DPYSL2: variants seen among roughly 807,000 people sequenced by gnomAD.
DPYSL2 encodes the protein dihydropyrimidinase-related protein 2.
In DPYSL2, 13 loss-of-function variants were observed where a neutral mutation model predicts 69.9. That is an observed-to-expected ratio of 0.19 (90% CI 0.12 to 0.30). The LOEUF (loss-of-function observed/expected upper bound fraction) is 0.30, where lower values mean the gene tolerates loss of function less well. Among genes scored for constraint, DPYSL2 ranks in the 10% least tolerant of loss-of-function variants. The probability of loss-of-function intolerance (pLI) is 1.00; values close to 1 mark genes in which losing one functional copy is unlikely to be tolerated. For missense variants in DPYSL2, 587 were observed against 918.9 expected, an observed-to-expected ratio of 0.64 and a Z score of 4.67; for synonymous variants, 326 against 359.1, an observed-to-expected ratio of 0.91 and a Z score of 1.04.
chr8:26,520,992 T>C (rs79924325), intron 1 of DPYSL2, among the ~76,000 whole-genome samples: 2,238 of 152,268 alleles, frequency 0.015, 53 homozygotes, highest in African/African-American at 0.049. Flanking sequence ...GCCCTACCTG[T>C]TAATACCATT....
rs1179492855 is a variant in DPYSL2, at chr8:26,650,882, T to A, written c.1597-1375T>A. Among the ~76,000 whole-genome samples the A allele has an allele frequency of 6.6e-6, 1 of 152,200 alleles. No homozygotes were observed. The highest frequency in any genetic ancestry group is 1.5e-5 in the Non-Finnish European group (1 of 68,034). On this transcript the variant is annotated intron_variant, in intron 11 of 13. Transcript: ENST00000521913. The surrounding 1 kb of genome is among the most constrained non-coding windows in gnomAD (Gnocchi z 5.3). ...GCCGCCTGTGTGGTCCAGAACAATG[T>A]CAAGCTGAGAATTTACTGTAAAATG... is the stretch of plus-strand genomic sequence containing the variant.
intron 3 of DPYSL2, among the ~76,000 whole-genome samples, chr8:26,594,512 A>G (rs539156334): frequency 6.6e-6 from 1 of 152,266 alleles, no homozygotes; most frequent in Non-Finnish European, 1.5e-5. Context: ...ATATTGATAT[A>G]TATCTATCTG....
intron 1 of DPYSL2, among the ~76,000 whole-genome samples, chr8:26,525,039 A>G (rs1808454534): frequency 6.6e-6 from 1 of 151,988 alleles, no homozygotes. Flanking sequence ...ATTTTTTCTT[A>G]GTTTTCCTCT....
intron 1 of DPYSL2, among the ~76,000 whole-genome samples, chr8:26,570,741 GAAAAAAAAAAAAA>G (rs572040580): frequency 9.2e-6 from 1 of 108,302 alleles, no homozygotes; most frequent in Non-Finnish European, 1.8e-5. Context: ...CTTAGAAAAG[GAAAAAAAAAAAAA>G]AAAAAAAAAA....
chr8:26,615,904 C>T (rs1802336398), intron 3 of DPYSL2, among the ~76,000 whole-genome samples: 1 of 152,148 alleles, frequency 6.6e-6, no homozygotes, highest in East Asian at 1.9e-4. Context: ...GCTTTGGAGG[C>T]ACCTAAATAC....
At chr8:26,537,056 TAGAA>T (rs1800603609) in intron 1 of DPYSL2, among the ~76,000 whole-genome samples, 1 of 151,752 alleles carries the variant, frequency 6.6e-6, no homozygotes, top group Admixed American at 6.6e-5. Flanking sequence ...TTTTTTTAAG[TAGAA>T]AGCCTTAAAA....
rs1801919780 is a variant in DPYSL2, at chr8:26,598,625, G to T, written c.628+14642G>T. Among the ~76,000 whole-genome samples, 1 of 152,182 alleles carries T rather than the reference G, an allele frequency of 6.6e-6. No homozygotes were observed. ...TGCTTACGGGAGATTTGAGGCATTTGATCATTTTTTCCCGTTAGCTTACAG... is the reference window on the plus strand; with the variant it reads ...TGCTTACGGGAGATTTGAGGCATTTTATCATTTTTTCCCGTTAGCTTACAG... On this transcript the variant is annotated intron_variant, in intron 3 of 13. Coordinates refer to ENST00000521913, the MANE Select transcript of DPYSL2 (RefSeq NM_001197293.3). The surrounding 1 kb of genome is among the most constrained non-coding windows in gnomAD (Gnocchi z 4.2).
In DPYSL2 at chr8:26,517,568, G is replaced by A. The variant is rs1037897308; in HGVS notation, c.354+2889G>A. Among the ~76,000 whole-genome samples, 1 of 152,168 alleles carries A rather than the reference G, an allele frequency of 6.6e-6. No individual in the cohort carries two copies. Among genetic ancestry groups the A allele is most frequent in the Admixed American group, 6.5e-5 (1 of 15,280 alleles). ...ATCTCTGTTGGCCCAATCCCCCCTT[G>A]TCAGTGCCCAGGGGTCCTTCAGCCT... On this transcript the variant is annotated intron_variant, in intron 1 of 13. Transcript: ENST00000521913. The surrounding 1 kb of genome is among the most constrained non-coding windows in gnomAD (Gnocchi z 4.2).
chr8:26,529,728 A>ATTTTTT (rs71216757), intron 1 of DPYSL2, among the ~76,000 whole-genome samples: 22 of 135,470 alleles, frequency 1.6e-4, no homozygotes, highest in African/African-American at 6.1e-4. Flanking sequence ...TTTAACCGTA[A>ATTTTTT]TTTTTTTTTT....
chr8:26,575,561 ATACCT>A (rs1398816788), intron 1 of DPYSL2, among the ~76,000 whole-genome samples: 2 of 152,228 alleles, frequency 1.3e-5, no homozygotes, highest in African/African-American at 4.8e-5. Context: ...AAATCAGTTT[ATACCT>A]TACATTTTTG....
intron 1 of DPYSL2, among the ~76,000 whole-genome samples, chr8:26,559,897 G>T (rs61199268): frequency 0.029 from 4,434 of 152,294 alleles, 100 homozygotes; most frequent in East Asian, 0.089. Context: ...AGTCAGGGTT[G>T]CAGGGAGGAG....
At chr8:26,570,092 C>T (rs934016352) in intron 1 of DPYSL2, among the ~76,000 whole-genome samples, 2 of 152,128 alleles carry the variant, frequency 1.3e-5, no homozygotes, top group East Asian at 1.9e-4. Context: ...ACTTGATAAA[C>T]GGTTTGCATT....
At chr8:26,553,141 A>G (rs1001234076) in intron 1 of DPYSL2, among the ~76,000 whole-genome samples, 1 of 152,260 alleles carries the variant, frequency 6.6e-6, no homozygotes, top group Non-Finnish European at 1.5e-5. Context: ...TATTGCTATT[A>G]AAGAAATACA....
chr8:26,620,739 C>T lies in DPYSL2; in HGVS notation c.629-3404C>T, dbSNP rs147994989. Reference sequence around the variant, plus strand: ...ACTATGAGCATGTGGGTCTTAGTGTCACCAGTACTTATCCTTCTTCTTAGG... The same window carrying T: ...ACTATGAGCATGTGGGTCTTAGTGTTACCAGTACTTATCCTTCTTCTTAGG... On this transcript the variant is annotated intron_variant, in intron 3 of 13. Coordinates refer to ENST00000521913, the MANE Select transcript of DPYSL2 (RefSeq NM_001197293.3). This position sits in a 1 kb window ranked among gnomAD's most constrained non-coding sequence, Gnocchi z 4.5. Among the ~76,000 whole-genome samples, 456 of 152,174 alleles carry T rather than the reference C, an allele frequency of 3.0e-3. 4 individuals carry two copies. Among genetic ancestry groups the T allele is most frequent in the African/African-American group, 0.01 (429 of 41,518 alleles).
intron 1 of DPYSL2, among the ~76,000 whole-genome samples, chr8:26,553,898 CTTT>C (rs35594312): frequency 2.6e-5 from 3 of 117,060 alleles, no homozygotes; most frequent in South Asian, 2.8e-4. Flanking sequence ...TATTTTTGGG[CTTT>C]TTTTTTTTTT....
At chr8:26,622,355 A>G (rs377412257) in intron 3 of DPYSL2, among the ~76,000 whole-genome samples, 2 of 152,016 alleles carry the variant, frequency 1.3e-5, no homozygotes, top group African/African-American at 4.8e-5. Flanking sequence ...TACAGATACC[A>G]GATATGTGTG....
At position 26,626,513 on chromosome 8, in the gene DPYSL2, ACACACACACG is replaced by A; in HGVS notation, c.794-103_794-94del. 2.2e-6 allele frequency: 2 copies of A among 912,920 alleles called. No individual in the cohort carries two copies. The highest frequency in any genetic ancestry group is 1.7e-6 in the Non-Finnish European group (1 of 575,710). 56.6% of individuals were successfully genotyped at this position (912,920 alleles called of 1,614,324 possible). On this transcript the variant is annotated intron_variant, in intron 4 of 13. Coordinates refer to ENST00000521913, the MANE Select transcript of DPYSL2 (RefSeq NM_001197293.3). This position sits in a 1 kb window ranked among gnomAD's most constrained non-coding sequence, Gnocchi z 4.3. ...CACACACACACACACACACACACAC[ACACACACACG>A]TACACACACAGACAGTATTATCACT...
chr8:26,554,997 C>A (rs527819790), intron 1 of DPYSL2, among the ~76,000 whole-genome samples: 1 of 152,000 alleles, frequency 6.6e-6, no homozygotes, highest in Admixed American at 6.6e-5. Flanking sequence ...CACATCAGCA[C>A]GCTAAAGAAG....
rs565793084 is a variant in DPYSL2, at chr8:26,647,515, C to T, written c.1426-115C>T. 3.6e-5 allele frequency: 41 copies of T among 1,137,954 alleles called. No homozygotes were observed. Among genetic ancestry groups the T allele is most frequent in the African/African-American group, 4.7e-5 (3 of 63,938 alleles). The allele number at this position is 1,137,954 out of a possible 1,614,324, so 70.5% of individuals were successfully genotyped here. The stretch of plus-strand genomic sequence containing the variant: ...ACGGTTTGTGTTTCACTTGGCACAA[C>T]GCTCTTGACATCCATCTAAGCTGTC... On this transcript the variant is annotated intron_variant, in intron 10 of 13. Coordinates refer to ENST00000521913, the MANE Select transcript of DPYSL2 (RefSeq NM_001197293.3). This position sits in a 1 kb window ranked among gnomAD's most constrained non-coding sequence, Gnocchi z 5.1.
Sources: gnomAD v4.1 joint callset for allele counts (sites outside exome capture counted in the v4.1 genomes callset) on GRCh38, gnomAD v4.1.1 for gene constraint, Gnocchi (gnomAD v3.1) non-coding constraint, MANE v1.5 for transcripts, NCBI Gene and HGNC (gene_info 2026-07-23, HGNC 2026-07-21) for gene names.